The following DDX20 variants were observed in gnomAD, a reference collection of about 807,000 sequenced individuals.
The protein encoded by DDX20 is DEAD-box helicase 20, also known as probable ATP-dependent RNA helicase DDX20.
DDX20 carries 61 observed loss-of-function variants against 76.4 expected under a neutral mutation model. That is an observed-to-expected ratio of 0.80 (90% confidence interval 0.65 to 0.99). DDX20 has a LOEUF of 0.99. Ranked by LOEUF, DDX20 falls within the 50% of genes least tolerant of loss-of-function variation. DDX20 has a pLI of 0.00. For synonymous variants in DDX20, 357 were observed against 357.4 expected, an observed-to-expected ratio of 1.00 and a Z score of 0.01; for missense variants, 976 against 996.8, an observed-to-expected ratio of 0.98 and a Z score of 0.28.
intron 2 of DDX20, among the ~76,000 whole-genome samples, chr1:111,758,089 C>T (rs1663600218): frequency 6.7e-6 from 1 of 150,238 alleles, no homozygotes; most frequent in Non-Finnish European, 1.5e-5. Flanking sequence ...AACTCCTGAC[C>T]TCAGGTAATC....
intron 3 of DDX20, 36 bp from the exon 4 acceptor site, chr1:111,760,438 A>C: frequency 7.3e-7 from 1 of 1,371,560 alleles, no homozygotes; most frequent in Non-Finnish European, 1.0e-6. Flanking sequence ...CAAATTTGGT[A>C]CATCATAAAT....
intron 2 of DDX20, among the ~76,000 whole-genome samples, chr1:111,757,650 T>C (rs1305181573): frequency 6.6e-6 from 1 of 152,164 alleles, no homozygotes; most frequent in Non-Finnish European, 1.5e-5. Context: ...TCAACAGTGG[T>C]TTTTAACCCA....
In DDX20 at chr1:111,766,822, C is replaced by T. The variant is rs771793328; in HGVS notation, c.2398C>T (p.Gln800Ter). ...AASHSYYWNA[Q>*]RHPSWMAAYH... ...TTCTCATTCATATTATTGGAATGCT[C>T]AGAGACATCCAAGTTGGATGGCAGC... The change falls in exon 11 of 11, where the codon CAG (glutamine) becomes TAG (stop). Residue 800 changes from glutamine to a stop codon, truncating the protein, a stop_gained. Coordinates refer to ENST00000369702, the MANE Select transcript of DDX20 (RefSeq NM_007204.5). LOFTEE classifies it high-confidence loss of function. The T allele has an allele frequency of 1.9e-6, 3 of 1,614,062 alleles. No individual in the cohort carries two copies. The highest frequency in any genetic ancestry group is 2.5e-6 in the Non-Finnish European group (3 of 1,179,942).
rs753344408 is a variant in DDX20, at chr1:111,766,296, G to C, written c.1872G>C (p.Val624=). 6.2e-7 allele frequency: 1 copy of C among 1,614,052 alleles called. No individual in the cohort carries two copies. Among genetic ancestry groups the C allele is most frequent in the African/African-American group, 1.3e-5 (1 of 74,930 alleles). ...RHYTGPGDQT[V]NPQNGFVRNK... ...ACACAGGCCCTGGGGATCAGACTGT[G>C]AATCCTCAAAATGGTTTTGTGAGAA... is the stretch of plus-strand genomic sequence containing the variant. The change falls in exon 11 of 11, where the codon GTG becomes GTC. Residue 624 remains valine, a synonymous_variant. Coordinates refer to ENST00000369702, the MANE Select transcript of DDX20 (RefSeq NM_007204.5).
chr1:111,760,402 A>G (rs189040134), intron 3 of DDX20, 72 bp from the exon 4 acceptor site: 12 of 1,032,454 alleles, frequency 1.2e-5, no homozygotes, highest in African/African-American at 1.1e-4. Flanking sequence ...TAATAAGTAG[A>G]GTAACAATAT....
chr1:111,760,694 T>C lies in DDX20; in HGVS notation c.681-12T>C, dbSNP rs749001869. ...TTGAATAATTTACATGGTATCTGTT[T>C]TTATTTTGCAGTTGGATTTATTCTT... is the stretch of plus-strand genomic sequence containing the variant. On this transcript the variant is annotated splice_polypyrimidine_tract_variant and intron_variant, in intron 4 of 10. Coordinates refer to ENST00000369702, the MANE Select transcript of DDX20 (RefSeq NM_007204.5). The C allele has an allele frequency of 6.2e-7, 1 of 1,607,006 alleles. No homozygotes were observed.
chr1:111,758,374 AAATC>A (rs1663607214), intron 2 of DDX20, among the ~76,000 whole-genome samples: 1 of 130,284 alleles, frequency 7.7e-6, no homozygotes, highest in African/African-American at 2.9e-5. Context: ...TTTTTTTTTT[AAATC>A]AATTTTTTTT....
chr1:111,766,182 A>G lies in DDX20; in HGVS notation c.1758A>G (p.Pro586=), dbSNP rs1361121886. 2 of 1,614,060 alleles carry G rather than the reference A, an allele frequency of 1.2e-6. No individual in the cohort carries two copies. The highest frequency in any genetic ancestry group is 2.2e-5 in the East Asian group (1 of 44,898). The change falls in exon 11 of 11, where the codon CCA becomes CCG. Residue 586 remains proline, a synonymous_variant. Coordinates refer to ENST00000369702, the MANE Select transcript of DDX20 (RefSeq NM_007204.5). ...PCLSSFKIHQ[P]YTLTFAELVE... Reference sequence around the variant, plus strand: ...TGTCTTCCTTTAAAATCCATCAGCCATACACGTTGACTTTTGCTGAATTGG... The same window carrying G: ...TGTCTTCCTTTAAAATCCATCAGCCGTACACGTTGACTTTTGCTGAATTGG...
In DDX20 at chr1:111,756,642, G is replaced by T. The variant is rs1050588738; in HGVS notation, c.302-4G>T. 6.2e-7 allele frequency: 1 copy of T among 1,613,062 alleles called. No homozygotes were observed. The highest frequency in any genetic ancestry group is 8.5e-7 in the Non-Finnish European group (1 of 1,179,430). ...CTAGTGATAATTGTTTTTTTCCTTC[G>T]CAGATTTAATTGTTCAAGCTAAATC... On this transcript the variant is annotated splice_region_variant and splice_polypyrimidine_tract_variant and intron_variant, in intron 1 of 10. Transcript: ENST00000369702.
rs779852967 is a variant in DDX20, at chr1:111,766,923, C to G, written c.*24C>G. 8 of 1,547,456 alleles carry G rather than the reference C, an allele frequency of 5.2e-6. No individual in the cohort carries two copies. In the East Asian group the frequency reaches 1.6e-4, roughly 31 times the overall value. ...GATTATAGGATATACCTGAGACCATCAGGAACTGTCAACAAATGATACCTT... is the reference window on the plus strand; with the variant it reads ...GATTATAGGATATACCTGAGACCATGAGGAACTGTCAACAAATGATACCTT... On this transcript the variant is annotated 3_prime_UTR_variant, in exon 11 of 11. Transcript: ENST00000369702.
chr1:111,763,154 C>A, intron 10 of DDX20, 147 bp downstream of exon 10: 1 of 652,510 alleles, frequency 1.5e-6, no homozygotes, highest in Non-Finnish European at 2.7e-6. Flanking sequence ...CTTCTCACCA[C>A]ACTCCTATGA....
At position 111,767,745 on chromosome 1, in the gene DDX20, A is replaced by C. The variant is rs1663812181; in HGVS notation, c.*846A>C. ...TTTCAAGGGGTTCATAGACCCTCTG[A>C]AGTTCATCTATACAGTCCAGATTAA... On this transcript the variant is annotated 3_prime_UTR_variant, in exon 11 of 11. Transcript: ENST00000369702. 1 of 152,180 alleles carries C rather than the reference A, an allele frequency of 6.6e-6. No homozygotes were observed. Among genetic ancestry groups the C allele is most frequent in the African/African-American group, 2.4e-5 (1 of 41,448 alleles). The allele number at this position is 152,180 out of a possible 1,614,324, so 9.4% of individuals were successfully genotyped here.
intron 3 of DDX20, 91 bp downstream of exon 3, chr1:111,759,659 C>G: frequency 7.7e-7 from 1 of 1,291,300 alleles, no homozygotes; most frequent in Non-Finnish European, 1.1e-6. Context: ...TCTTTGATAA[C>G]TGTGATAATT....
At chr1:111,764,290 A>T (rs1663731705) in intron 10 of DDX20, among the ~76,000 whole-genome samples, 1 of 152,202 alleles carries the variant, frequency 6.6e-6, no homozygotes, top group Admixed American at 6.5e-5. Context: ...TCAAAAAAAA[A>T]AAAGAAAAAT....
intron 10 of DDX20, 124 bp from the exon 11 acceptor site, chr1:111,765,613 T>A: frequency 2.5e-6 from 2 of 805,164 alleles, no homozygotes; most frequent in Non-Finnish European, 3.8e-6. Context: ...ATTAAACATC[T>A]TAGTATATTT....
At chr1:111,756,496 C>A (rs1571608164) in intron 1 of DDX20, 150 bp from the exon 2 acceptor site, 1 of 703,468 alleles carries the variant, frequency 1.4e-6, no homozygotes, top group Non-Finnish European at 2.4e-6. Flanking sequence ...AGGGACTAGG[C>A]GTGTTCTCAT....
At position 111,760,160 on chromosome 1, in the gene DDX20, G is replaced by A. The variant is rs76555898; in HGVS notation, c.566-314G>A. 5.2e-3 allele frequency among the ~76,000 whole-genome samples: 797 copies of A among 152,250 alleles called. 12 individuals carry two copies. The highest frequency in any genetic ancestry group is 0.018 in the African/African-American group (743 of 41,532). On this transcript the variant is annotated intron_variant, in intron 3 of 10. Coordinates refer to ENST00000369702, the MANE Select transcript of DDX20 (RefSeq NM_007204.5). ...GAGGCCCTTCTAAGCCATGGATTGG[G>A]ATTATTCTTTGGCTTCTCTATTATA...
intron 1 of DDX20, 73 bp downstream of exon 1, chr1:111,756,298 G>A: frequency 7.3e-7 from 1 of 1,360,908 alleles, no homozygotes; most frequent in Non-Finnish European, 9.5e-7. Flanking sequence ...CGGCGGCCAG[G>A]CCCGCGCCGC....
chr1:111,758,380 A>G (rs1034739567), intron 2 of DDX20, among the ~76,000 whole-genome samples: 1 of 127,886 alleles, frequency 7.8e-6, no homozygotes, highest in Non-Finnish European at 1.7e-5. Flanking sequence ...TTTTAAATCA[A>G]TTTTTTTTTC....
Sources: allele counts gnomAD v4.1 joint callset (sites outside exome capture counted in the v4.1 genomes callset), GRCh38; gene constraint gnomAD v4.1.1; transcripts MANE v1.5; gene names NCBI Gene and HGNC (gene_info 2026-07-23, HGNC 2026-07-21).